ARID4B: variants seen among roughly 807,000 people sequenced by gnomAD.
ARID4B encodes the protein AT-rich interaction domain 4B, also known as AT-rich interactive domain-containing protein 4B.
In ARID4B, 26 loss-of-function variants were observed where a neutral mutation model predicts 147.5. The observed-to-expected ratio is 0.18, with a 90% CI of 0.13 to 0.24. ARID4B has a LOEUF of 0.24. Ranked by LOEUF, ARID4B falls within the 10% of genes least tolerant of loss-of-function variation. ARID4B has a pLI of 1.00. For synonymous variants in ARID4B, 512 were observed against 507.9 expected (o/e 1.01, Z -0.11); for missense variants, 1,179 against 1,511.5 (o/e 0.78, Z 3.65).
chr1:235,245,785 C>T (rs376120313), intron 7 of ARID4B, among the ~76,000 whole-genome samples: 3 of 152,186 alleles, frequency 2.0e-5, no homozygotes, highest in South Asian at 2.1e-4. Context: ...TATGAATTCA[C>T]TTAATTTTCA....
intron 8 of ARID4B, among the ~76,000 whole-genome samples, chr1:235,235,926 T>C (rs1668523068): frequency 6.6e-6 from 1 of 151,682 alleles, no homozygotes; most frequent in Non-Finnish European, 1.5e-5. Flanking sequence ...GACTATGTAG[T>C]TGTTTCCTTT....
chr1:235,221,242 A>G (rs1250155895), intron 14 of ARID4B, among the ~76,000 whole-genome samples: 1 of 152,256 alleles, frequency 6.6e-6, no homozygotes, highest in African/African-American at 2.4e-5. Flanking sequence ...TTAGGAGAAT[A>G]AATAACTGGC....
intron 11 of ARID4B, among the ~76,000 whole-genome samples, chr1:235,227,277 T>G (rs758655785): frequency 1.3e-5 from 2 of 152,006 alleles, no homozygotes; most frequent in Non-Finnish European, 2.9e-5. Context: ...ATAAAGGAGA[T>G]TCTATATGAA....
At chr1:235,195,803 C>A (rs1210779592) in intron 18 of ARID4B, among the ~76,000 whole-genome samples, 2 of 152,118 alleles carry the variant, frequency 1.3e-5, no homozygotes, top group Non-Finnish European at 2.9e-5. Flanking sequence ...TAAATAAAAT[C>A]TGGTTGAATG....
chr1:235,290,433 CAAA>C (rs35171807), intron 2 of ARID4B, among the ~76,000 whole-genome samples: 3 of 131,938 alleles, frequency 2.3e-5, no homozygotes, highest in Admixed American at 7.5e-5. Context: ...ATTCCATCAC[CAAA>C]AAAAAAAAAA....
At chr1:235,213,119 G>C (rs969429434) in intron 17 of ARID4B, among the ~76,000 whole-genome samples, 1 of 151,972 alleles carries the variant, frequency 6.6e-6, no homozygotes, top group South Asian at 2.1e-4. Flanking sequence ...ATTTATCTAA[G>C]AAAAATGCTT....
chr1:235,261,771 A>T (rs1179270128), intron 2 of ARID4B, among the ~76,000 whole-genome samples: 1 of 152,166 alleles, frequency 6.6e-6, no homozygotes, highest in Non-Finnish European at 1.5e-5. Context: ...ATTCAGGTAC[A>T]TTTCTACATT....
At chr1:235,259,882 C>T (rs1305143902) in intron 3 of ARID4B, among the ~76,000 whole-genome samples, 4 of 152,182 alleles carry the variant, frequency 2.6e-5, no homozygotes, top group Non-Finnish European at 2.9e-5. Context: ...AAGGTATCTG[C>T]TAATCTAGAT....
intron 2 of ARID4B, among the ~76,000 whole-genome samples, chr1:235,317,005 C>A (rs1287950490): frequency 1.3e-5 from 2 of 152,046 alleles, no homozygotes; most frequent in Non-Finnish European, 2.9e-5. Flanking sequence ...TGCAAATATT[C>A]CAAAATCTGA....
At chr1:235,226,618 T>C (rs547969732) in intron 11 of ARID4B, among the ~76,000 whole-genome samples, 4 of 151,948 alleles carry the variant, frequency 2.6e-5, no homozygotes, top group Non-Finnish European at 4.4e-5. Flanking sequence ...GCCTCCCGGG[T>C]TGACACCATT....
chr1:235,316,698 A>C (rs1674461708), intron 2 of ARID4B, among the ~76,000 whole-genome samples: 1 of 152,014 alleles, frequency 6.6e-6, no homozygotes, highest in South Asian at 2.1e-4. Flanking sequence ...AGGCGCCTGT[A>C]ATCCCAGCTA....
chr1:235,317,482 T>C (rs1674521708), intron 2 of ARID4B, among the ~76,000 whole-genome samples: 1 of 152,250 alleles, frequency 6.6e-6, no homozygotes, highest in Non-Finnish European at 1.5e-5. Context: ...TCTTTCATTA[T>C]GTCCCTTGCT....
intron 17 of ARID4B, among the ~76,000 whole-genome samples, chr1:235,196,947 C>A (rs994992672): frequency 6.7e-6 from 1 of 149,266 alleles, no homozygotes; most frequent in African/African-American, 2.5e-5. Flanking sequence ...AATGCTTGCT[C>A]ATAAAATACC....
chr1:235,230,995 A>C, intron 10 of ARID4B, 118 bp downstream of exon 10: 1 of 688,402 alleles, frequency 1.5e-6, no homozygotes, highest in Non-Finnish European at 2.5e-6. Context: ...AAGGAACCAA[A>C]TATAACCATA....
intron 11 of ARID4B, among the ~76,000 whole-genome samples, chr1:235,225,325 G>T (rs1238079021): frequency 6.6e-6 from 1 of 152,146 alleles, no homozygotes; most frequent in African/African-American, 2.4e-5. Context: ...TACAATACCT[G>T]AAGATTCAGA....
chr1:235,268,675 C>T (rs1670771226), intron 2 of ARID4B, among the ~76,000 whole-genome samples: 1 of 152,112 alleles, frequency 6.6e-6, no homozygotes, highest in Non-Finnish European at 1.5e-5. Flanking sequence ...ATTACAGGCG[C>T]TCGCCACCAT....
intron 17 of ARID4B, among the ~76,000 whole-genome samples, chr1:235,207,160 ATC>A (rs1320985629): frequency 3.9e-5 from 6 of 152,216 alleles, no homozygotes; most frequent in African/African-American, 1.4e-4. Flanking sequence ...TCTTGTTTCT[ATC>A]TCTCAGTAGG....
chr1:235,171,086 T>C (rs1663322319), intron 23 of ARID4B, among the ~76,000 whole-genome samples: 1 of 152,202 alleles, frequency 6.6e-6, no homozygotes, highest in Non-Finnish European at 1.5e-5. Context: ...CTTATATATT[T>C]CACTACACTG....
chr1:235,312,442 A>G (rs1405446246), intron 2 of ARID4B, among the ~76,000 whole-genome samples: 1 of 152,262 alleles, frequency 6.6e-6, no homozygotes, highest in Non-Finnish European at 1.5e-5. Context: ...TCAAGTTACC[A>G]GGAAGTAAGA....
Sources: gnomAD v4.1 joint callset for allele counts (sites outside exome capture counted in the v4.1 genomes callset) on GRCh38, gnomAD v4.1.1 for gene constraint, MANE v1.5 for transcripts, NCBI Gene and HGNC (gene_info 2026-07-23, HGNC 2026-07-21) for gene names.